Variants in ZNF423 observed in about 807,000 individuals in gnomAD.
ZNF423 encodes Ebf-associated zinc finger protein.
In ZNF423, 12 loss-of-function variants were observed where a neutral mutation model predicts 95.8. The observed-to-expected ratio is 0.13, with a 90% CI of 0.08 to 0.20. The LOEUF is 0.20. ZNF423 is among the 10% of genes least tolerant of loss of function. The pLI is 1.00. For missense variants in ZNF423, 1,316 were observed against 1,737.1 expected (o/e 0.76, Z 4.31); for synonymous variants, 749 against 711.9 (o/e 1.05, Z -0.83).
intron 3 of ZNF423, among the ~76,000 whole-genome samples, chr16:49,680,127 T>C (rs1200405354): frequency 6.6e-6 from 1 of 152,142 alleles, no homozygotes; most frequent in Non-Finnish European, 1.5e-5. Context: ...TAGACACTCA[T>C]GGGGACAACC....
In ZNF423 at chr16:49,727,072, T is replaced by G. The variant is rs912856149; in HGVS notation, c.301+3699A>C. Among the ~76,000 whole-genome samples, 12 of 152,076 alleles carry G rather than the reference T, an allele frequency of 7.9e-5. No homozygotes were observed. In the South Asian group the frequency reaches 2.5e-3, roughly 32 times the overall value. The stretch of plus-strand genomic sequence containing the variant: ...GGGAGAATGAATGGAGAGGACTGGA[T>G]TTTTGCTCTTTTCAGTTTGTGTCAT... On this transcript the variant is annotated intron_variant, in intron 3 of 7. Transcript: ENST00000563137.
chr16:49,735,666 C>T (rs752895), intron 2 of ZNF423, among the ~76,000 whole-genome samples: 55,394 of 152,030 alleles, frequency 0.36, 10,573 homozygotes, highest in African/African-American at 0.48. Context: ...TCCTGGGACA[C>T]TCCCCCTTCA....
intron 5 of ZNF423, among the ~76,000 whole-genome samples, chr16:49,535,264 G>C (rs1251479451): frequency 1.3e-5 from 2 of 152,224 alleles, no homozygotes; most frequent in African/African-American, 4.8e-5. Flanking sequence ...CTAGCACTGA[G>C]GTGCAAGCAG....
At chr16:49,808,274 C>T (rs1409538326) in intron 1 of ZNF423, among the ~76,000 whole-genome samples, 3 of 152,066 alleles carry the variant, frequency 2.0e-5, no homozygotes, top group Admixed American at 1.3e-4. Context: ...GTTGTCTAGG[C>T]TGGTCTTGAA....
At chr16:49,531,268 AGCCTGCG>A (rs991042792) in intron 5 of ZNF423, among the ~76,000 whole-genome samples, 5 of 151,526 alleles carry the variant, frequency 3.3e-5, no homozygotes, top group Admixed American at 6.6e-5. Context: ...CACCAGGGAC[AGCCTGCG>A]GCCTGCGCAT....
At chr16:49,828,155 G>A (rs990640809) in intron 1 of ZNF423, among the ~76,000 whole-genome samples, 3 of 152,140 alleles carry the variant, frequency 2.0e-5, no homozygotes, top group Non-Finnish European at 4.4e-5. Context: ...CATTTTTCTT[G>A]AAGAGCATTT....
chr16:49,850,317 GA>G (rs1172600237), intron 1 of ZNF423, among the ~76,000 whole-genome samples: 1 of 152,128 alleles, frequency 6.6e-6, no homozygotes, highest in Non-Finnish European at 1.5e-5. Flanking sequence ...TTTTGGGTGG[GA>G]AACTTCTCTG....
intron 1 of ZNF423, among the ~76,000 whole-genome samples, chr16:49,846,725 G>A (rs2035250282): frequency 6.6e-6 from 1 of 152,110 alleles, no homozygotes; most frequent in Non-Finnish European, 1.5e-5. Context: ...CTCTCCCTGG[G>A]GACCCTCAGG....
chr16:49,510,357 C>T (rs1051045768), intron 7 of ZNF423, among the ~76,000 whole-genome samples: 4 of 152,164 alleles, frequency 2.6e-5, no homozygotes, highest in Non-Finnish European at 5.9e-5. Context: ...AACCTCATTT[C>T]TGGGGGGTGG....
intron 3 of ZNF423, among the ~76,000 whole-genome samples, chr16:49,710,971 C>T (rs1055030255): frequency 1.3e-5 from 2 of 152,180 alleles, no homozygotes; most frequent in Non-Finnish European, 2.9e-5. Flanking sequence ...CAGAAGCTGC[C>T]GGGTAGGCAG....
intron 4 of ZNF423, among the ~76,000 whole-genome samples, chr16:49,634,866 T>C (rs535522471): frequency 1.3e-5 from 2 of 152,276 alleles, no homozygotes; most frequent in Admixed American, 6.5e-5. Flanking sequence ...CCCCAGCTCA[T>C]TGAAAGCCAC....
chr16:49,638,854 G>A lies in ZNF423; in HGVS notation c.322C>T (p.Leu108Phe). 6.2e-7 allele frequency: 1 copy of A among 1,607,682 alleles called. No individual in the cohort carries two copies. The highest frequency in any genetic ancestry group is 8.5e-7 in the Non-Finnish European group (1 of 1,175,758). ...CPGDGDDDPQ[L>F]SWVASSPSSK... ...GAGGGAGACGAGGCCACCCAGGAGAGTTGTGGGTCGTCATCACCATCTGCA... is the reference window on the plus strand; with the variant it reads ...GAGGGAGACGAGGCCACCCAGGAGAATTGTGGGTCGTCATCACCATCTGCA... The change falls in exon 4 of 8, where the codon CTC (leucine) becomes TTC (phenylalanine). Residue 108 changes from leucine to phenylalanine, a missense_variant. Leu to Phe is a conservative substitution (Grantham distance 22). Transcript: ENST00000563137. This position sits in a 1 kb window ranked among gnomAD's most constrained non-coding sequence, Gnocchi z 5.6.
chr16:49,768,469 AC>A (rs1360062736), intron 2 of ZNF423, among the ~76,000 whole-genome samples: 2 of 152,190 alleles, frequency 1.3e-5, no homozygotes, highest in Non-Finnish European at 2.9e-5. Context: ...AGGTCACGGC[AC>A]ATGTACTCCC....
rs748728165 is a variant in ZNF423, at chr16:49,638,000, C to G, written c.1176G>C (p.Pro392=). 5.6e-6 allele frequency: 9 copies of G among 1,613,950 alleles called. No individual in the cohort carries two copies. In the Middle Eastern group the frequency reaches 8.2e-4, roughly 147 times the overall value. The change falls in exon 4 of 8, where the codon CCG becomes CCC. Residue 392 remains proline, a synonymous_variant. Coordinates refer to ENST00000563137, the MANE Select transcript of ZNF423 (RefSeq NM_001379286.1). This position sits in a 1 kb window ranked among gnomAD's most constrained non-coding sequence, Gnocchi z 5.6. ...CCCGCAGCGGCTTCAAGGTGGAGTC[C>G]GGGGTGGAGCCACGCTCCACAGAGG... ...SSASVERGST[P]DSTLKPLRGQ... is the part of the protein sequence containing the mutation.
chr16:49,676,856 A>G (rs1351994947), intron 3 of ZNF423, among the ~76,000 whole-genome samples: 1 of 152,204 alleles, frequency 6.6e-6, no homozygotes, highest in East Asian at 1.9e-4. Flanking sequence ...CTTAGCGGCC[A>G]TGGGAGTCAG....
chr16:49,677,282 A>AGAAGGGAAGGGAAGGGAAGG (rs1567283970), intron 3 of ZNF423, among the ~76,000 whole-genome samples: 4 of 81,582 alleles, frequency 4.9e-5, no homozygotes, highest in Non-Finnish European at 7.5e-5. Context: ...AGAAGAGAAG[A>AGAAGGGAAGGGAAGGGAAGG]GAAGAGAAGA....
At chr16:49,649,443 C>A (rs1973305892) in intron 3 of ZNF423, among the ~76,000 whole-genome samples, 1 of 152,122 alleles carries the variant, frequency 6.6e-6, no homozygotes, top group African/African-American at 2.4e-5. Flanking sequence ...TATCCCAGCT[C>A]TCTACTATCT....
chr16:49,665,428 T>TG (rs1165897277), intron 3 of ZNF423, among the ~76,000 whole-genome samples: 1 of 152,010 alleles, frequency 6.6e-6, no homozygotes, highest in African/African-American at 2.4e-5. Context: ...GTGTGGGGCC[T>TG]GGGGGGAGAA....
chr16:49,688,289 T>C (rs572235428), intron 3 of ZNF423, among the ~76,000 whole-genome samples: 1 of 152,232 alleles, frequency 6.6e-6, no homozygotes, highest in East Asian at 1.9e-4. Context: ...ATGGCTAATA[T>C]TGCAATATGG....
Sources: allele counts gnomAD v4.1 joint callset (sites outside exome capture counted in the v4.1 genomes callset), GRCh38; gene constraint gnomAD v4.1.1; non-coding constraint Gnocchi (gnomAD v3.1); transcripts MANE v1.5; gene names NCBI Gene and HGNC (gene_info 2026-07-23, HGNC 2026-07-21).